The following RP1L1 variants were observed in gnomAD, a reference collection of about 807,000 sequenced individuals.
RP1L1 encodes RP1 like 1.
Under a neutral mutation model 15.7 loss-of-function variants are expected in RP1L1, and 27 were observed. The observed-to-expected ratio is 1.72, with a 90% CI of 1.27 to 2.38. The LOEUF is 2.38. RP1L1 is among the 30% of genes most tolerant of loss of function. The probability of loss-of-function intolerance (pLI) is 0.00; values close to 1 mark genes in which losing one functional copy is unlikely to be tolerated. For synonymous variants in RP1L1, 1,813 were observed against 1,276.7 expected (o/e 1.42, Z -8.96); for missense variants, 4,798 against 3,075.9 (o/e 1.56, Z -13.24).
intron 2 of RP1L1, chr8:10,621,833 A>G: frequency 2.2e-6 from 1 of 462,046 alleles, no homozygotes; most frequent in South Asian, 1.5e-5. Context: ...AGTGGCTTCC[A>G]GCAGAGGTAG....
At chr8:10,631,807 G>T (rs146243812) in intron 1 of RP1L1, among the ~76,000 whole-genome samples, 1 of 152,308 alleles carries the variant, frequency 6.6e-6, no homozygotes, top group African/African-American at 2.4e-5. Context: ...AAGGGCGATG[G>T]GTCCTGGGGG....
rs1282629002 is a variant in RP1L1 at position 10,613,009 on chromosome 8, G to A, written c.1089C>T (p.Asp363=). The change falls in exon 4 of 4, where the codon GAC becomes GAT. Residue 363 remains aspartate (D), a synonymous_variant. Transcript: ENST00000382483. Reference sequence around the variant, plus strand: ...AGCCCTCCCACACACAGCAGAGGGGGTCTACCTCCCCCAGAACGGGGTCTT... The same window carrying A: ...AGCCCTCCCACACACAGCAGAGGGGATCTACCTCCCCCAGAACGGGGTCTT... ...SGEDPVLGEV[D]PLCCVWEGYP... is the part of the protein sequence containing the mutation. The A allele has an allele frequency of 2.2e-5, 36 of 1,613,446 alleles. No individual in the cohort carries two copies. Among genetic ancestry groups the A allele is most frequent in the Non-Finnish European group, 3.0e-5 (35 of 1,179,970 alleles).
At chr8:10,619,239 G>C (rs751518945) in intron 2 of RP1L1, among the ~76,000 whole-genome samples, 1 of 152,202 alleles carries the variant, frequency 6.6e-6, no homozygotes, top group Non-Finnish European at 1.5e-5. Flanking sequence ...ATCTAAATGC[G>C]AAATAAGTCC....
In RP1L1 at chr8:10,608,851, G is replaced by A; in HGVS notation, c.5247C>T (p.Ser1749=). 6.2e-7 allele frequency: 1 copy of A among 1,613,906 alleles called. No individual in the cohort carries two copies. Among genetic ancestry groups the A allele is most frequent in the Non-Finnish European group, 8.5e-7 (1 of 1,180,028 alleles). ...GATCTTTGTCTCTGTTGAGTCTCTG[G>A]CTCCCCTCGCCATCCTCACCCTCGT... The part of the protein sequence containing the change: ...GVDEGEDGEG[S]QRLNRDKDPK... The change falls in exon 4 of 4, where the codon AGC becomes AGT. Residue 1749 remains serine (S), a synonymous_variant. Coordinates refer to ENST00000382483, the MANE Select transcript of RP1L1 (RefSeq NM_178857.6).
chr8:10,635,309 C>A (rs979679374), intron 1 of RP1L1, among the ~76,000 whole-genome samples: 1 of 152,186 alleles, frequency 6.6e-6, no homozygotes, highest in African/African-American at 2.4e-5. Flanking sequence ...TAAGAGGGGA[C>A]CCTTCTGGGC....
intron 1 of RP1L1, among the ~76,000 whole-genome samples, chr8:10,653,900 C>T (rs1435140166): frequency 6.6e-6 from 1 of 152,164 alleles, no homozygotes; most frequent in African/African-American, 2.4e-5. Flanking sequence ...GGGAAGGAGT[C>T]CTGGTGCCCT....
Position 10,612,216 on chromosome 8 carries a change from G to T in RP1L1, c.1882C>A (p.Pro628Thr). 3 of 1,613,308 alleles carry T rather than the reference G, an allele frequency of 1.9e-6. No homozygotes were observed. The highest frequency in any genetic ancestry group is 2.5e-6 in the Non-Finnish European group (3 of 1,180,018). ...SWDSEGASSTPSTCTSSQQGQ... is the reference protein window; with the variant it reads ...SWDSEGASSTTSTCTSSQQGQ... Reference sequence around the variant, plus strand: ...TGCTGGGATGAAGTGCAGGTGGAAGGGGTGGAAGAGGCTCCTTCCGAGTCC... The same window carrying T: ...TGCTGGGATGAAGTGCAGGTGGAAGTGGTGGAAGAGGCTCCTTCCGAGTCC... The change falls in exon 4 of 4, where the codon CCT (proline) becomes ACT (threonine). Residue 628 changes from proline to threonine, a missense_variant. By Grantham distance (38) the Pro-to-Thr change is conservative. Coordinates refer to ENST00000382483, the MANE Select transcript of RP1L1 (RefSeq NM_178857.6).
At chr8:10,613,600 C>CA (rs71203341) in intron 3 of RP1L1, among the ~76,000 whole-genome samples, 95 of 62,232 alleles carry the variant, frequency 1.5e-3, no homozygotes, top group South Asian at 2.1e-3. Context: ...ACCATCTCTC[C>CA]AAAAAAAAAA....
At position 10,609,377 on chromosome 8, in the gene RP1L1, C is replaced by T. The variant is rs758563101; in HGVS notation, c.4721G>A (p.Arg1574Lys). Residue 1574 changes from arginine to lysine, a missense_variant, in exon 4 of 4, where the codon AGA becomes AAA. Arg to Lys is a conservative substitution (Grantham distance 26). Transcript: ENST00000382483. ...VAQRLQDSTKRELQKLQGRAG... is the reference protein window; with the variant it reads ...VAQRLQDSTKKELQKLQGRAG... ...CCGGCCCTGGAGCTTCTGGAGCTCT[C>T]TCTTGGTGCTGTCCTGGAGGCGTTG... The T allele has an allele frequency of 2.5e-6, 4 of 1,612,550 alleles. No individual in the cohort carries two copies. In the South Asian group the frequency reaches 4.4e-5, roughly 18 times the overall value.
At chr8:10,627,488 G>A (rs987065794) in intron 1 of RP1L1, among the ~76,000 whole-genome samples, 1 of 152,008 alleles carries the variant, frequency 6.6e-6, no homozygotes, top group African/African-American at 2.4e-5. Flanking sequence ...GAGGAGGTAC[G>A]AGAGGGGAGT....
At chr8:10,639,899 A>G (rs557172852) in intron 1 of RP1L1, among the ~76,000 whole-genome samples, 1 of 152,240 alleles carries the variant, frequency 6.6e-6, no homozygotes, top group South Asian at 2.1e-4. Context: ...CCCTTTTTTC[A>G]GGGGATGGTG....
chr8:10,643,922 G>T (rs1798440796), intron 1 of RP1L1, among the ~76,000 whole-genome samples: 1 of 151,882 alleles, frequency 6.6e-6, no homozygotes, highest in African/African-American at 2.4e-5. Flanking sequence ...AACAAAATTG[G>T]CTGTGGTCTC....
At chr8:10,644,643 C>A (rs1798450709) in intron 1 of RP1L1, among the ~76,000 whole-genome samples, 1 of 152,176 alleles carries the variant, frequency 6.6e-6, no homozygotes, top group Non-Finnish European at 1.5e-5. Context: ...AAAACCAGAA[C>A]AAAAACCCTG....
At chr8:10,643,745 G>T (rs1012481249) in intron 1 of RP1L1, among the ~76,000 whole-genome samples, 3 of 151,992 alleles carry the variant, frequency 2.0e-5, no homozygotes, top group African/African-American at 7.2e-5. Flanking sequence ...GTGGGTGCTG[G>T]AAAAACACTG....
chr8:10,613,323 G>T lies in RP1L1; in HGVS notation c.775C>A (p.Pro259Thr), dbSNP rs1406593411. Residue 259 changes from proline (P) to threonine (T), a missense_variant, in exon 4 of 4, where the codon CCG (proline) becomes ACG (threonine). Pro to Thr is a conservative substitution (Grantham distance 38). Transcript: ENST00000382483. ...KNGSWGPKTK[P>T]SVIHSRSPPG... is the part of the protein sequence containing the mutation. ...GGAGACCGCGAATGGATCACACTCG[G>T]CTTGGTCTTTGGCCCCCAGCTCCCT... is the stretch of plus-strand genomic sequence containing the variant. 1.2e-6 allele frequency: 2 copies of T among 1,600,656 alleles called. No individual in the cohort carries two copies. The highest frequency in any genetic ancestry group is 1.7e-6 in the Non-Finnish European group (2 of 1,179,960).
chr8:10,612,258 C>G lies in RP1L1; in HGVS notation c.1840G>C (p.Gly614Arg). The stretch of plus-strand genomic sequence containing the variant: ...TCCGAGTCCCAGGAGCAGGAAAGGC[C>G]CAGAACCAGAGGCTCCCTTGTCACA... ...AAVTREPLVL[G>R]LSCSWDSEGA... is the part of the protein sequence containing the mutation. The change falls in exon 4 of 4, where the codon GGC (glycine) becomes CGC (arginine). Residue 614 changes from glycine (G) to arginine (R), a missense_variant. Physicochemically the swap from Gly to Arg is moderately radical, Grantham distance 125. Transcript: ENST00000382483. The G allele has an allele frequency of 6.2e-7, 1 of 1,613,210 alleles. No individual in the cohort carries two copies. The highest frequency in any genetic ancestry group is 8.5e-7 in the Non-Finnish European group (1 of 1,179,992).
intron 1 of RP1L1, among the ~76,000 whole-genome samples, chr8:10,638,240 T>G (rs899875883): frequency 1.3e-5 from 2 of 152,220 alleles, no homozygotes; most frequent in Non-Finnish European, 2.9e-5. Context: ...TCAAACGTAT[T>G]TCCATGTATC....
Position 10,607,996 on chromosome 8 carries a change from G to A in RP1L1, c.6102C>T (p.Ala2034=). ...EAQPKSEGEE[A]QEVEGETQKT... is the part of the protein sequence containing the mutation. ...TCTGGGTCTCCCCTTCAACCTCCTGGGCCTCTTCACCTTCTGACTTTGGCT... is the reference window on the plus strand; with the variant it reads ...TCTGGGTCTCCCCTTCAACCTCCTGAGCCTCTTCACCTTCTGACTTTGGCT... Residue 2034 remains alanine, a synonymous_variant, in exon 4 of 4, where the codon GCC becomes GCT. Transcript: ENST00000382483. The A allele has an allele frequency of 6.2e-7, 1 of 1,603,752 alleles. No homozygotes were observed. The highest frequency in any genetic ancestry group is 8.5e-7 in the Non-Finnish European group (1 of 1,177,538).
rs894022627 is a variant in RP1L1, at chr8:10,630,672, T to C, written c.-19-7452A>G. On this transcript the variant is annotated intron_variant, in intron 1 of 3. Transcript: ENST00000382483. ...CTAGATAACCACAGGCAAATTGCCC[T>C]CCATTGCTGGGACTCAGGTTCCCAT... Among the ~76,000 whole-genome samples the C allele has an allele frequency of 2.6e-5, 4 of 152,166 alleles. No homozygotes were observed. In the East Asian group the frequency reaches 5.8e-4, roughly 22 times the overall value.
Sources: allele counts gnomAD v4.1 joint callset (sites outside exome capture counted in the v4.1 genomes callset), GRCh38; gene constraint gnomAD v4.1.1; transcripts MANE v1.5; gene names NCBI Gene and HGNC (gene_info 2026-07-23, HGNC 2026-07-21).